Variants in LRRC37A2 observed in about 807,000 individuals in gnomAD.
LRRC37A2 encodes the protein leucine rich repeat containing 37 member A2, also known as leucine-rich repeat-containing protein 37A2.
Under a neutral mutation model 68.8 loss-of-function variants are expected in LRRC37A2, and 9 were observed. The ratio of observed to expected loss-of-function variants is 0.13; its 90% CI spans 0.08 to 0.23. LRRC37A2 has a LOEUF of 0.23. LRRC37A2 is among the 10% of genes least tolerant of loss of function. The pLI is 1.00. For missense variants in LRRC37A2, 168 were observed against 950.4 expected (o/e 0.18, Z 10.82); for synonymous variants, 63 against 367.6 (o/e 0.17, Z 9.48).
chr17:47,017,137 A>G, the LRRC37A2 span: 2 of 1,603,182 alleles, frequency 1.2e-6, no homozygotes, highest in Non-Finnish European at 1.7e-6. Flanking sequence ...CAGGTGTCAT[A>G]AAGACAGGGC....
At chr17:46,526,399 G>C (rs1330093096) in intron 6 of LRRC37A2, among the ~76,000 whole-genome samples, 1 of 101,756 alleles carries the variant, frequency 9.8e-6, no homozygotes, top group Non-Finnish European at 2.1e-5. Flanking sequence ...AACAAAAAAA[G>C]AGGCCCCAGC....
chr17:46,908,946 T>C, the LRRC37A2 span, among the ~76,000 whole-genome samples: 1 of 152,132 alleles, frequency 6.6e-6, no homozygotes, highest in Non-Finnish European at 1.5e-5. Flanking sequence ...CCCTGGGCTG[T>C]CAGGCTGGGA....
chr17:46,815,275 G>A, the LRRC37A2 span, among the ~76,000 whole-genome samples: 5 of 152,090 alleles, frequency 3.3e-5, no homozygotes, highest in Non-Finnish European at 7.3e-5. Flanking sequence ...TTCCTGTCCC[G>A]GCTCTGTCAC....
At chr17:46,978,398 A>AAG in the LRRC37A2 span, 2 of 503,564 alleles carry the variant, frequency 4.0e-6, no homozygotes, top group Non-Finnish European at 3.4e-6. Flanking sequence ...ACAAACAAAA[A>AAG]AAACTGGTAA....
At chr17:46,996,371 A>G in the LRRC37A2 span, among the ~76,000 whole-genome samples, 106,468 of 152,114 alleles carry the variant, frequency 0.7, 37,877 homozygotes, top group Middle Eastern at 0.78. Flanking sequence ...ATCAGGCCCA[A>G]CCAGCCAAGA....
the LRRC37A2 span, among the ~76,000 whole-genome samples, chr17:46,847,843 G>A: frequency 1.3e-5 from 2 of 152,240 alleles, 1 homozygote; most frequent in Non-Finnish European, 2.9e-5. Flanking sequence ...GTTTGTTTCA[G>A]GCAGGGTGGG....
the LRRC37A2 span, among the ~76,000 whole-genome samples, chr17:46,449,719 G>T: frequency 1.0e-5 from 1 of 97,532 alleles, no homozygotes; most frequent in Non-Finnish European, 2.2e-5. Flanking sequence ...CTTTTTATAT[G>T]AAATGGTGGT....
the LRRC37A2 span, chr17:46,936,632 T>C: frequency 1.0e-6 from 1 of 985,336 alleles, no homozygotes; most frequent in South Asian, 4.7e-5. Flanking sequence ...AATTTGTGGC[T>C]GAAAATGAAT....
chr17:46,827,875 T>C, the LRRC37A2 span, among the ~76,000 whole-genome samples: 1 of 151,336 alleles, frequency 6.6e-6, no homozygotes, highest in East Asian at 1.9e-4. Context: ...AGTGGTGCAA[T>C]CTCGGCTCAC....
chr17:46,969,858 C>T, the LRRC37A2 span, among the ~76,000 whole-genome samples: 11 of 152,290 alleles, frequency 7.2e-5, no homozygotes, highest in South Asian at 1.5e-3. Flanking sequence ...TTACCTTTCG[C>T]GATCCCCTTG....
the LRRC37A2 span, among the ~76,000 whole-genome samples, chr17:46,610,039 CTCTCTT>C: frequency 5.3e-5 from 5 of 93,886 alleles, no homozygotes; most frequent in East Asian, 9.0e-4. Context: ...CTCTCTCTCT[CTCTCTT>C]TCTTTCTTTC....
chr17:46,467,878 A>G, the LRRC37A2 span, among the ~76,000 whole-genome samples: 1 of 99,464 alleles, frequency 1.0e-5, no homozygotes, highest in Admixed American at 9.8e-5. Context: ...TTCTATGGAG[A>G]AAGACTTTGC....
the LRRC37A2 span, chr17:46,939,019 C>T: frequency 2.3e-6 from 3 of 1,314,282 alleles, no homozygotes; most frequent in South Asian, 2.9e-5. Context: ...CTCTCGCTCT[C>T]ACTGGGGGAG....
chr17:46,769,475 C>T, the LRRC37A2 span, among the ~76,000 whole-genome samples: 2 of 152,180 alleles, frequency 1.3e-5, no homozygotes, highest in Non-Finnish European at 2.9e-5. Flanking sequence ...GTTCCCAGGA[C>T]TTGACAGCCC....
chr17:46,951,902 A>C, the LRRC37A2 span, among the ~76,000 whole-genome samples: 1 of 151,662 alleles, frequency 6.6e-6, no homozygotes, highest in Non-Finnish European at 1.5e-5. Flanking sequence ...CCCCCCAGAC[A>C]TCACCTCCCT....
chr17:46,989,158 A>G, the LRRC37A2 span, among the ~76,000 whole-genome samples: 1 of 152,210 alleles, frequency 6.6e-6, no homozygotes, highest in African/African-American at 2.4e-5. Context: ...TTGAGTAGGC[A>G]TGCTAGTCAG....
At chr17:47,038,697 A>AT in the LRRC37A2 span, among the ~76,000 whole-genome samples, 4 of 10,034 alleles carry the variant, frequency 4.0e-4, 2 homozygotes, top group African/African-American at 4.2e-4. Flanking sequence ...TCTTTTTCTT[A>AT]TTTTTTTTTG....
chr17:46,543,513 A>C (rs1331280060), intron 8 of LRRC37A2, among the ~76,000 whole-genome samples: 1 of 150,958 alleles, frequency 6.6e-6, no homozygotes, highest in Non-Finnish European at 1.5e-5. Flanking sequence ...CATAGTAGAC[A>C]ATGATAATAT....
chr17:47,033,320 G>C, the LRRC37A2 span: 155,148 of 682,206 alleles, frequency 0.23, 6,488 homozygotes, highest in Middle Eastern at 0.28. Context: ...AAGCATTTAC[G>C]TGATGCAGTC....
Sources: gnomAD v4.1 joint callset for allele counts (sites outside exome capture counted in the v4.1 genomes callset) on GRCh38, gnomAD v4.1.1 for gene constraint, MANE v1.5 for transcripts, NCBI Gene and HGNC (gene_info 2026-07-23, HGNC 2026-07-21) for gene names.